Variants in SMYD3 observed in about 807,000 individuals in gnomAD.
SMYD3 encodes the protein SET and MYND domain containing 3, also known as histone-lysine N-methyltransferase SMYD3.
SMYD3 carries 36 observed loss-of-function variants against 57.7 expected under a neutral mutation model. That is an observed-to-expected ratio of 0.62 (90% CI 0.48 to 0.82). The LOEUF (loss-of-function observed/expected upper bound fraction) is 0.82. Among genes scored for constraint, SMYD3 ranks in the 40% least tolerant of loss-of-function variants. The probability of loss-of-function intolerance (pLI) is 0.00; values close to 1 mark genes in which losing one functional copy is unlikely to be tolerated. For synonymous variants in SMYD3, 211 were observed against 195.0 expected (o/e 1.08, Z -0.68); for missense variants, 515 against 538.8 (o/e 0.96, Z 0.44).
At chr1:245,941,174 A>G (rs2057228499) in intron 5 of SMYD3, among the ~76,000 whole-genome samples, 1 of 152,154 alleles carries the variant, frequency 6.6e-6, no homozygotes, top group African/African-American at 2.4e-5. Flanking sequence ...ATATAAAAAG[A>G]CCAAATCTAC....
chr1:246,143,019 AT>A (rs1180555620), intron 5 of SMYD3, among the ~76,000 whole-genome samples: 1 of 152,196 alleles, frequency 6.6e-6, no homozygotes, highest in Non-Finnish European at 1.5e-5. Context: ...GTAAGAAATA[AT>A]TGCCACCACA....
At chr1:245,804,213 G>A (rs1264226520) in intron 10 of SMYD3, among the ~76,000 whole-genome samples, 1 of 152,072 alleles carries the variant, frequency 6.6e-6, no homozygotes, top group African/African-American at 2.4e-5. Flanking sequence ...GCCCAGCTGA[G>A]TCAGTATCTT....
intron 5 of SMYD3, among the ~76,000 whole-genome samples, chr1:246,007,439 A>G (rs2059194986): frequency 6.6e-6 from 1 of 152,108 alleles, no homozygotes; most frequent in South Asian, 2.1e-4. Flanking sequence ...AGATTCATTC[A>G]CCTGGCACTT....
At position 245,990,259 on chromosome 1, in the gene SMYD3, T is replaced by C. The variant is rs2058788374; in HGVS notation, c.532-60322A>G. Among the ~76,000 whole-genome samples, 3 of 152,114 alleles carry C rather than the reference T, an allele frequency of 2.0e-5. No individual in the cohort carries two copies. The South Asian group carries it at 6.2e-4, about 32-fold the overall frequency. ...CCTGCACCACCACACCTGGACAATT[T>C]TTTATTTTTTGTAAAGACAGGGTCT... On this transcript the variant is annotated intron_variant, in intron 5 of 11. Coordinates refer to ENST00000490107, the MANE Select transcript of SMYD3 (RefSeq NM_001167740.2).
At chr1:246,356,800 A>T (rs1188130948) in intron 1 of SMYD3, among the ~76,000 whole-genome samples, 1 of 152,218 alleles carries the variant, frequency 6.6e-6, no homozygotes, top group Non-Finnish European at 1.5e-5. Flanking sequence ...AACTATGTTA[A>T]GCATGCAAAT....
At chr1:246,140,458 C>T (rs543389685) in intron 5 of SMYD3, among the ~76,000 whole-genome samples, 26 of 152,214 alleles carry the variant, frequency 1.7e-4, no homozygotes, top group East Asian at 5.8e-4. Context: ...GTATTAGTAC[C>T]GCTAGCAGTT....
chr1:245,794,967 T>C (rs1216828512), intron 10 of SMYD3, among the ~76,000 whole-genome samples: 2 of 152,234 alleles, frequency 1.3e-5, no homozygotes, highest in African/African-American at 2.4e-5. Context: ...ATGGAGTGAA[T>C]TTCTGATTGT....
chr1:246,132,579 T>C (rs1558256437), intron 5 of SMYD3, among the ~76,000 whole-genome samples: 1 of 152,094 alleles, frequency 6.6e-6, no homozygotes, highest in Non-Finnish European at 1.5e-5. Context: ...GCTTGAGCAA[T>C]GATTACTCAG....
intron 7 of SMYD3, 65 bp downstream of exon 7, chr1:245,927,861 AGGGAC>A: frequency 1.6e-6 from 2 of 1,251,012 alleles, no homozygotes; most frequent in South Asian, 2.5e-5. Context: ...AATCAGTTTT[AGGGAC>A]GGGCCGAGCT....
At chr1:245,865,039 A>G (rs1202577247) in intron 8 of SMYD3, among the ~76,000 whole-genome samples, 1 of 152,236 alleles carries the variant, frequency 6.6e-6, no homozygotes. Context: ...TCTGGCATCT[A>G]GCACAGTGCC....
intron 5 of SMYD3, among the ~76,000 whole-genome samples, chr1:246,244,033 A>T (rs1254382532): frequency 9.8e-5 from 12 of 122,994 alleles, no homozygotes; most frequent in Non-Finnish European, 1.4e-4. Flanking sequence ...GTATATATAT[A>T]TTTTAACATG....
intron 8 of SMYD3, among the ~76,000 whole-genome samples, chr1:245,890,787 A>G (rs1296346223): frequency 6.6e-6 from 1 of 152,242 alleles, no homozygotes; most frequent in Non-Finnish European, 1.5e-5. Flanking sequence ...TTATTGCACT[A>G]CTATTCACAA....
chr1:246,411,782 G>T (rs545929864), intron 1 of SMYD3, among the ~76,000 whole-genome samples: 1 of 145,962 alleles, frequency 6.9e-6, no homozygotes, highest in Non-Finnish European at 1.5e-5. Flanking sequence ...CAATGAGAAC[G>T]CATGGACACA....
chr1:246,019,024 A>G (rs1337087117), intron 5 of SMYD3, among the ~76,000 whole-genome samples: 1 of 152,038 alleles, frequency 6.6e-6, no homozygotes, highest in Non-Finnish European at 1.5e-5. Flanking sequence ...TTAATAGAAA[A>G]TTGTATTTTG....
intron 5 of SMYD3, among the ~76,000 whole-genome samples, chr1:246,050,777 C>G (rs546477891): frequency 6.6e-6 from 1 of 152,220 alleles, no homozygotes; most frequent in Admixed American, 6.5e-5. Context: ...GTAGCGAGCT[C>G]CTCCCAAGAG....
intron 2 of SMYD3, among the ~76,000 whole-genome samples, chr1:246,350,877 G>A (rs990185367): frequency 3.3e-5 from 5 of 152,190 alleles, no homozygotes; most frequent in African/African-American, 4.8e-5. Flanking sequence ...CGACCAAATC[G>A]TTTTAAACTT....
rs189897627 is a variant in SMYD3 at position 246,122,921 on chromosome 1, G to C, written c.532-192984C>G. On this transcript the variant is annotated intron_variant, in intron 5 of 11. Coordinates refer to ENST00000490107, the MANE Select transcript of SMYD3 (RefSeq NM_001167740.2). Reference sequence around the variant, plus strand: ...GCCAATTTTAAATCTATGGATCACAGAACTTCTTCATAGGAAGTTTCTGTC... The same window carrying C: ...GCCAATTTTAAATCTATGGATCACACAACTTCTTCATAGGAAGTTTCTGTC... Among the ~76,000 whole-genome samples, 445 of 152,296 alleles carry C rather than the reference G, an allele frequency of 2.9e-3. 4 individuals carry two copies. The highest frequency in any genetic ancestry group is 5.1e-3 in the Non-Finnish European group (344 of 68,026).
chr1:246,059,067 A>G (rs928842140), intron 5 of SMYD3, among the ~76,000 whole-genome samples: 23 of 152,068 alleles, frequency 1.5e-4, no homozygotes, highest in African/African-American at 5.3e-4. Context: ...TAGTAGAGAC[A>G]GGGTTTCACC....
At chr1:246,149,019 G>C (rs2061900642) in intron 5 of SMYD3, among the ~76,000 whole-genome samples, 1 of 152,224 alleles carries the variant, frequency 6.6e-6, no homozygotes, top group African/African-American at 2.4e-5. Flanking sequence ...TGGCAATGCA[G>C]TTAGAGACAA....
Sources: gnomAD v4.1 joint callset for allele counts (sites outside exome capture counted in the v4.1 genomes callset) on GRCh38, gnomAD v4.1.1 for gene constraint, MANE v1.5 for transcripts, NCBI Gene and HGNC (gene_info 2026-07-23, HGNC 2026-07-21) for gene names.